The following KIF11 variants were observed in gnomAD, a reference collection of about 807,000 sequenced individuals.
The protein encoded by KIF11 is kinesin-like protein KIF11.
In KIF11, 9 loss-of-function variants were observed where a neutral mutation model predicts 121.0. That is an observed-to-expected ratio of 0.07 (90% CI 0.04 to 0.13). The LOEUF (loss-of-function observed/expected upper bound fraction) is 0.13, where lower values mean the gene tolerates loss of function less well. KIF11 is among the 10% of genes least tolerant of loss of function. The pLI is 1.00. For synonymous variants in KIF11, 408 were observed against 421.0 expected, an observed-to-expected ratio of 0.97 and a Z score of 0.38; for missense variants, 846 against 1,217.5, an observed-to-expected ratio of 0.69 and a Z score of 4.54.
intron 1 of KIF11, 130 bp downstream of exon 1, chr10:92,593,582 TC>T (rs1045253853): frequency 1.6e-5 from 12 of 732,448 alleles, no homozygotes; most frequent in Middle Eastern, 2.7e-4. Context: ...CGCGTTCTGT[TC>T]AATAAAAATG....
Position 92,613,639 on chromosome 10 carries a change from G to A in KIF11, c.1032+20G>A. On this transcript the variant is annotated intron_variant, in intron 8 of 21. Coordinates refer to ENST00000260731, the MANE Select transcript of KIF11 (RefSeq NM_004523.4). This position sits in a 1 kb window ranked among gnomAD's most constrained non-coding sequence, Gnocchi z 4.2. ...CTTGAGGTAAGCCCTTTGAAAGGAA[G>A]CTGCAAGTGTAGTAGCTGTAATTCT... The A allele has an allele frequency of 6.3e-7, 1 of 1,593,518 alleles. No individual in the cohort carries two copies. The highest frequency in any genetic ancestry group is 8.5e-7 in the Non-Finnish European group (1 of 1,171,206).
chr10:92,646,782 A>C (rs1844925297), intron 18 of KIF11, among the ~76,000 whole-genome samples: 1 of 152,188 alleles, frequency 6.6e-6, no homozygotes, highest in African/African-American at 2.4e-5. Context: ...GAAGCAACAC[A>C]TTGTCCTGAA....
intron 21 of KIF11, among the ~76,000 whole-genome samples, chr10:92,651,548 T>TTTTTTGTGAGAC (rs1844984273): frequency 8.5e-6 from 1 of 117,108 alleles, no homozygotes; most frequent in Non-Finnish European, 1.8e-5. Context: ...TTTTTTTTTT[T>TTTTTTGTGAGAC]AGTAGAGGGG....
chr10:92,620,078 C>CTTT (rs1270524883), intron 9 of KIF11, among the ~76,000 whole-genome samples: 18 of 125,452 alleles, frequency 1.4e-4, no homozygotes, highest in African/African-American at 2.3e-4. Context: ...GGTTCTTTGT[C>CTTT]TTTTTTTTTT....
chr10:92,606,691 A>G lies in KIF11; in HGVS notation c.283A>G (p.Met95Val), dbSNP rs1564704294. The change falls in exon 3 of 22, where the codon ATG (methionine) becomes GTG (valine). Residue 95 changes from methionine to valine, a missense_variant. By Grantham distance (21) the Met-to-Val change is conservative. Coordinates refer to ENST00000260731, the MANE Select transcript of KIF11 (RefSeq NM_004523.4). Reference protein sequence around the residue: ...VVCPILDEVIMGYNCTIFAYG... With the variant: ...VVCPILDEVIVGYNCTIFAYG... ...TTGTCCAATTCTGGATGAAGTTATT[A>G]TGGGCTATAATTGCACTATCTTTGC... is the stretch of plus-strand genomic sequence containing the variant. The G allele has an allele frequency of 6.5e-7, 1 of 1,546,690 alleles. No individual in the cohort carries two copies. Among genetic ancestry groups the G allele is most frequent in the Non-Finnish European group, 8.9e-7 (1 of 1,118,996 alleles).
chr10:92,632,687 T>G lies in KIF11; in HGVS notation c.1696T>G (p.Leu566Val), dbSNP rs1188789508. 1 of 1,595,824 alleles carries G rather than the reference T, an allele frequency of 6.3e-7. No homozygotes were observed. Among genetic ancestry groups the G allele is most frequent in the African/African-American group, 1.3e-5 (1 of 74,132 alleles). Residue 566 changes from leucine (L) to valine (V), a missense_variant, in exon 13 of 22, where the codon TTA (leucine) becomes GTA (valine). By Grantham distance (32) the Leu-to-Val change is conservative. Transcript: ENST00000260731. ...GGCCATGCTAGAAGTACATAAGACCTTATTTGGTAAGTTCAGGCTGTTCTG... is the reference window on the plus strand; with the variant it reads ...GGCCATGCTAGAAGTACATAAGACCGTATTTGGTAAGTTCAGGCTGTTCTG... ...QKAMLEVHKT[L>V]FGNLLSSSVS... is the part of the protein sequence containing the mutation.
intron 10 of KIF11, among the ~76,000 whole-genome samples, 193 bp downstream of exon 10, chr10:92,621,666 A>G (rs756871573): frequency 3.3e-5 from 5 of 151,598 alleles, no homozygotes; most frequent in Non-Finnish European, 7.4e-5. Context: ...CAGTGGCACA[A>G]TCTTGGCTCA....
At chr10:92,630,388 A>G in intron 12 of KIF11, 24 bp downstream of exon 12, 1 of 1,466,660 alleles carries the variant, frequency 6.8e-7, no homozygotes, top group Non-Finnish European at 9.0e-7. Context: ...GTTGATTTGT[A>G]CTCATATTAA....
chr10:92,604,560 A>G (rs1281435659), intron 1 of KIF11, among the ~76,000 whole-genome samples: 3 of 152,190 alleles, frequency 2.0e-5, no homozygotes, highest in Non-Finnish European at 4.4e-5. Context: ...GCATTACCAG[A>G]TACTACCTGG....
intron 14 of KIF11, among the ~76,000 whole-genome samples, chr10:92,636,706 T>C (rs1844801987): frequency 6.6e-6 from 1 of 151,826 alleles, no homozygotes; most frequent in Non-Finnish European, 1.5e-5. Flanking sequence ...ATTATTGTAT[T>C]ATTGTATTGA....
intron 21 of KIF11, among the ~76,000 whole-genome samples, chr10:92,651,046 T>TG (rs1317945081): frequency 1.3e-5 from 2 of 150,928 alleles, no homozygotes; most frequent in Non-Finnish European, 3.0e-5. Flanking sequence ...CCACTCTTCT[T>TG]TTTTTTTTGA....
At chr10:92,637,568 G>A in intron 16 of KIF11, 23 bp downstream of exon 16, 1 of 1,588,706 alleles carries the variant, frequency 6.3e-7, no homozygotes, top group Non-Finnish European at 8.5e-7. Flanking sequence ...GCGGACTTGG[G>A]GAGTACAGAA....
At chr10:92,651,949 A>G (rs541997500) in intron 21 of KIF11, among the ~76,000 whole-genome samples, 1 of 141,526 alleles carries the variant, frequency 7.1e-6, no homozygotes, top group South Asian at 2.4e-4. Flanking sequence ...TCTGAGATGC[A>G]TATGCTTGTA....
At chr10:92,608,425 G>C (rs1844454614) in intron 4 of KIF11, among the ~76,000 whole-genome samples, 1 of 151,626 alleles carries the variant, frequency 6.6e-6, no homozygotes, top group Non-Finnish European at 1.5e-5. Flanking sequence ...AGTTTCGCTG[G>C]GCAGAATTAT....
rs1011670856 is a variant in KIF11, at chr10:92,631,961, C to T, written c.1495-525C>T. 3.5e-4 allele frequency among the ~76,000 whole-genome samples: 53 copies of T among 152,074 alleles called. 1 individual carries two copies. Among genetic ancestry groups the T allele is most frequent in the African/African-American group, 1.3e-3 (52 of 41,394 alleles). On this transcript the variant is annotated intron_variant, in intron 12 of 21. Coordinates refer to ENST00000260731, the MANE Select transcript of KIF11 (RefSeq NM_004523.4). The stretch of plus-strand genomic sequence containing the variant: ...GAGCGTTGGGATTACAGGTGTAAGC[C>T]ACCACGTCCGGCCATTAGGTGTACT...
intron 17 of KIF11, among the ~76,000 whole-genome samples, chr10:92,644,236 A>G (rs1029033475): frequency 1.3e-5 from 2 of 152,214 alleles, no homozygotes; most frequent in African/African-American, 4.8e-5. Context: ...CACACTGCAC[A>G]TAACTGCGTT....
intron 16 of KIF11, 70 bp from the exon 17 acceptor site, chr10:92,639,721 TTTG>T: frequency 1.3e-6 from 1 of 787,838 alleles, no homozygotes; most frequent in South Asian, 1.6e-5. Flanking sequence ...TACTTCTTGT[TTTG>T]TTATCAGTCA....
chr10:92,616,624 T>C, intron 8 of KIF11, 113 bp from the exon 9 acceptor site: 2 of 543,220 alleles, frequency 3.7e-6, no homozygotes, highest in Non-Finnish European at 6.3e-6. Flanking sequence ...GATTTTAAAA[T>C]TAGATATAAC....
At chr10:92,628,263 G>A (rs1844700437) in intron 10 of KIF11, among the ~76,000 whole-genome samples, 1 of 152,108 alleles carries the variant, frequency 6.6e-6, no homozygotes, top group African/African-American at 2.4e-5. Flanking sequence ...TATGCGGTGG[G>A]GTGAGAGTGG....
Sources: allele counts gnomAD v4.1 joint callset (sites outside exome capture counted in the v4.1 genomes callset), GRCh38; gene constraint gnomAD v4.1.1; non-coding constraint Gnocchi (gnomAD v3.1); transcripts MANE v1.5; gene names NCBI Gene and HGNC (gene_info 2026-07-23, HGNC 2026-07-21).